SRGAP3: variants seen among roughly 807,000 people sequenced by gnomAD.
SRGAP3 encodes SLIT-ROBO Rho GTPase-activating protein 3.
SRGAP3 carries 39 observed loss-of-function variants against 121.1 expected under a neutral mutation model. The observed-to-expected ratio is 0.32, with a 90% CI of 0.25 to 0.42. SRGAP3 has a LOEUF of 0.42. Among genes scored for constraint, SRGAP3 ranks in the 10% least tolerant of loss-of-function variants. SRGAP3 has a pLI of 1.00. For missense variants in SRGAP3, 1,213 were observed against 1,470.6 expected (o/e 0.82, Z 2.86); for synonymous variants, 601 against 570.0 (o/e 1.05, Z -0.77).
At chr3:9,097,343 T>A (rs1948027487) in intron 3 of SRGAP3, among the ~76,000 whole-genome samples, 1 of 152,112 alleles carries the variant, frequency 6.6e-6, no homozygotes. Context: ...GGTAGACATT[T>A]CATATCATTT....
chr3:9,283,301 T>TGTACTTTTCATGAACTTTTCATGTTA (rs1954713796), intron 3 of SRGAP3, among the ~76,000 whole-genome samples: 1 of 152,224 alleles, frequency 6.6e-6, no homozygotes, highest in Non-Finnish European at 1.5e-5. Context: ...GAACTTTTCA[T>TGTACTTTTCATGAACTTTTCATGTTA]ACTCCGTTAA....
At chr3:9,241,619 G>C (rs1953641099) in intron 1 of SRGAP3, among the ~76,000 whole-genome samples, 1 of 152,160 alleles carries the variant, frequency 6.6e-6, no homozygotes, top group Non-Finnish European at 1.5e-5. Context: ...AGGAAGCGTG[G>C]ATGTTATTAT....
intron 3 of SRGAP3, among the ~76,000 whole-genome samples, chr3:9,274,914 C>T (rs1336698611): frequency 6.6e-6 from 1 of 151,590 alleles, no homozygotes. Flanking sequence ...GCCAGCTGAG[C>T]CTGGGGATTT....
chr3:9,346,632 G>A (rs1431724391), intron 1 of SRGAP3, among the ~76,000 whole-genome samples: 1 of 151,988 alleles, frequency 6.6e-6, no homozygotes, highest in Non-Finnish European at 1.5e-5. Flanking sequence ...CTGAGTCTAG[G>A]TTTGTTTCCT....
rs1180794749 is a variant in SRGAP3 at position 9,095,514 on chromosome 3, T to C, written c.423+9166A>G. On this transcript the variant is annotated intron_variant, in intron 3 of 21. Transcript: ENST00000383836. The stretch of plus-strand genomic sequence containing the variant: ...TATGAGGAAAGTATATGTTTATGTA[T>C]ATATAAAATTAGCTCTTACAAATAA... Among the ~76,000 whole-genome samples the C allele has an allele frequency of 2.6e-5, 4 of 152,190 alleles. No homozygotes were observed. The East Asian group carries it at 7.7e-4, about 29-fold the overall frequency.
chr3:8,991,266 G>A (rs1942040774), intron 20 of SRGAP3, among the ~76,000 whole-genome samples: 1 of 152,138 alleles, frequency 6.6e-6, no homozygotes, highest in African/African-American at 2.4e-5. Flanking sequence ...AGGCTTGACT[G>A]TACCAAAGTT....
chr3:9,173,144 C>G (rs1951049422), intron 1 of SRGAP3, among the ~76,000 whole-genome samples: 1 of 152,210 alleles, frequency 6.6e-6, no homozygotes, highest in Non-Finnish European at 1.5e-5. Context: ...CAGCTCTGAG[C>G]TGGGCGCTTC....
rs765977899 is a variant in SRGAP3 at position 9,013,305 on chromosome 3, T to C, written c.2147+3A>G. ...AATAATATTAAGAGGAATGGCATCT[T>C]ACCAATATTCTTCCCCTCCAGCCAT... is the stretch of plus-strand genomic sequence containing the variant. On this transcript the variant is annotated splice_donor_region_variant and intron_variant, in intron 17 of 21. Coordinates refer to ENST00000383836, the MANE Select transcript of SRGAP3 (RefSeq NM_014850.4). The C allele has an allele frequency of 1.4e-5, 23 of 1,613,108 alleles. No individual in the cohort carries two copies. In the East Asian group the frequency reaches 4.7e-4, roughly 33 times the overall value.
chr3:9,027,290 G>C (rs935244518), intron 12 of SRGAP3, among the ~76,000 whole-genome samples: 2 of 152,206 alleles, frequency 1.3e-5, no homozygotes, highest in African/African-American at 4.8e-5. Context: ...GCAGTGGAGA[G>C]GGAACCACCT....
intron 1 of SRGAP3, among the ~76,000 whole-genome samples, chr3:9,186,815 A>G (rs895168457): frequency 6.6e-6 from 1 of 152,198 alleles, no homozygotes; most frequent in African/African-American, 2.4e-5. Context: ...GCTCTTGAAT[A>G]AACATCGGGG....
chr3:9,008,611 G>C (rs967349088), intron 18 of SRGAP3, among the ~76,000 whole-genome samples: 8 of 152,162 alleles, frequency 5.3e-5, no homozygotes, highest in African/African-American at 1.9e-4. Flanking sequence ...AAGGAGGAAA[G>C]AGAAAAGCAA....
chr3:9,227,118 A>G (rs369681413), intron 1 of SRGAP3, among the ~76,000 whole-genome samples: 10 of 152,170 alleles, frequency 6.6e-5, no homozygotes, highest in African/African-American at 2.4e-4. Context: ...TCTGAGAATG[A>G]GGGCCCAGTG....
intron 18 of SRGAP3, among the ~76,000 whole-genome samples, chr3:9,002,247 T>C (rs1274791514): frequency 6.6e-6 from 1 of 152,188 alleles, no homozygotes; most frequent in African/African-American, 2.4e-5. Context: ...ATTGATTTCT[T>C]CTATAGAAGA....
intron 3 of SRGAP3, among the ~76,000 whole-genome samples, chr3:9,084,237 T>C (rs1467985739): frequency 6.6e-6 from 1 of 152,126 alleles, no homozygotes; most frequent in Non-Finnish European, 1.5e-5. Flanking sequence ...AAGAGAGCCA[T>C]GAATTTGCCC....
chr3:9,019,432 CT>C (rs1378859146), intron 14 of SRGAP3, among the ~76,000 whole-genome samples: 2 of 152,212 alleles, frequency 1.3e-5, no homozygotes, highest in African/African-American at 2.4e-5. Context: ...GGGAGTAGCA[CT>C]TTTCAATTTA....
chr3:9,060,155 G>A, intron 6 of SRGAP3, 76 bp downstream of exon 6: 1 of 1,607,546 alleles, frequency 6.2e-7, no homozygotes. Context: ...ACAAAGACCA[G>A]CCCCTCCTTC....
intron 1 of SRGAP3, among the ~76,000 whole-genome samples, chr3:9,148,082 G>A (rs994656723): frequency 4.6e-5 from 7 of 152,208 alleles, no homozygotes; most frequent in Admixed American, 1.3e-4. Flanking sequence ...TTTAGCTTAA[G>A]TGTCCAAGAG....
At chr3:9,082,414 G>C (rs1321529936) in intron 3 of SRGAP3, among the ~76,000 whole-genome samples, 1 of 152,212 alleles carries the variant, frequency 6.6e-6, no homozygotes, top group Admixed American at 6.5e-5. Context: ...GACACAGCAA[G>C]AGATTGCCCT....
At chr3:9,256,747 TTC>T (rs750986970) in intron 3 of SRGAP3, 51 of 398,084 alleles carry the variant, frequency 1.3e-4, no homozygotes, top group East Asian at 7.5e-4. Flanking sequence ...CACATTAATC[TTC>T]TCTTTTCAGC....
Sources: allele counts gnomAD v4.1 joint callset (sites outside exome capture counted in the v4.1 genomes callset), GRCh38; gene constraint gnomAD v4.1.1; transcripts MANE v1.5; gene names NCBI Gene and HGNC (gene_info 2026-07-23, HGNC 2026-07-21).